The following HRCT1 variants were observed in gnomAD, a reference collection of about 807,000 sequenced individuals.
HRCT1 encodes histidine rich carboxyl terminus 1.
For synonymous variants in HRCT1, 76 were observed against 69.0 expected (o/e 1.10, Z -0.50); for missense variants, 185 against 161.3 (o/e 1.15, Z -0.80).
In HRCT1 at chr9:35,906,672, C is replaced by T. The variant is rs1420936489; in HGVS notation, c.*37C>T. 5 of 1,539,988 alleles carry T rather than the reference C, an allele frequency of 3.2e-6. No individual in the cohort carries two copies. The highest frequency in any genetic ancestry group is 4.4e-6 in the Non-Finnish European group (5 of 1,142,360). ...CCGGTGCCTGTGGACAGCAGCTGCC[C>T]CTGCCCTCCCATCTGTTCCCAGGAC... On this transcript the variant is annotated 3_prime_UTR_variant, in exon 1 of 1. Coordinates refer to ENST00000354323, the MANE Select transcript of HRCT1 (RefSeq NM_001039792.2).
chr9:35,907,038 G>A lies in HRCT1; in HGVS notation c.*403G>A, dbSNP rs1157793303. On this transcript the variant is annotated 3_prime_UTR_variant, in exon 1 of 1. Coordinates refer to ENST00000354323, the MANE Select transcript of HRCT1 (RefSeq NM_001039792.2). ...GCCTCTGGCGGGCAGGGCACTGGGAGAGGCCCTGAGAATGTCCTTTTGGTT... is the reference window on the plus strand; with the variant it reads ...GCCTCTGGCGGGCAGGGCACTGGGAAAGGCCCTGAGAATGTCCTTTTGGTT... 4 of 268,028 alleles carry A rather than the reference G, an allele frequency of 1.5e-5. No individual in the cohort carries two copies. The highest frequency in any genetic ancestry group is 8.8e-5 in the African/African-American group (4 of 45,244). The allele number at this position is 268,028 out of a possible 1,614,324, so 16.6% of individuals were successfully genotyped here.
chr9:35,906,460 C>T lies in HRCT1; in HGVS notation c.173C>T (p.Pro58Leu), dbSNP rs1310962012. Reference sequence around the variant, plus strand: ...GGAAACCGAGTCCGCCGGGCCCAGCCTTGGCCCTTCCGGCGGCGGGGCCAC... The same window carrying T: ...GGAAACCGAGTCCGCCGGGCCCAGCTTTGGCCCTTCCGGCGGCGGGGCCAC... Reference protein sequence around the residue: ...AGGNRVRRAQPWPFRRRGHLG... With the variant: ...AGGNRVRRAQLWPFRRRGHLG... Residue 58 changes from proline to leucine, a missense_variant, in exon 1 of 1, where the codon CCT (proline) becomes CTT (leucine). Coordinates refer to ENST00000354323, the MANE Select transcript of HRCT1 (RefSeq NM_001039792.2). The T allele has an allele frequency of 1.2e-6, 2 of 1,610,238 alleles. No individual in the cohort carries two copies. The highest frequency in any genetic ancestry group is 1.7e-6 in the Non-Finnish European group (2 of 1,178,160).
chr9:35,907,004 C>A lies in HRCT1; in HGVS notation c.*369C>A. The A allele has an allele frequency of 3.1e-6, 1 of 322,712 alleles. No homozygotes were observed. 20.0% of individuals were successfully genotyped at this position (322,712 alleles called of 1,614,324 possible). On this transcript the variant is annotated 3_prime_UTR_variant, in exon 1 of 1. Coordinates refer to ENST00000354323, the MANE Select transcript of HRCT1 (RefSeq NM_001039792.2). The stretch of plus-strand genomic sequence containing the variant: ...TGCCCGTCTTGACCTCCTCATCAGG[C>A]TGCTGCAGGCCTCTGGCGGGCAGGG...
rs1833079491 is a variant in HRCT1 at position 35,906,306 on chromosome 9, A to G, written c.19A>G (p.Ser7Gly). The G allele has an allele frequency of 6.2e-7, 1 of 1,606,262 alleles. No individual in the cohort carries two copies. The highest frequency in any genetic ancestry group is 8.5e-7 in the Non-Finnish European group (1 of 1,176,130). Residue 7 changes from serine (S) to glycine (G), a missense_variant, in exon 1 of 1, where the codon AGC becomes GGC. Ser to Gly is a moderately conservative substitution (Grantham distance 56). Coordinates refer to ENST00000354323, the MANE Select transcript of HRCT1 (RefSeq NM_001039792.2). ...CTCCCAGATGCTGGGCCTCCTGGGG[A>G]GCACAGCCCTCGTGGGATGGATCAC... MLGLLGSTALVGWITGA... is the reference protein window; with the variant it reads MLGLLGGTALVGWITGA...
In HRCT1 at chr9:35,906,576, C is replaced by T. The variant is rs1390840059; in HGVS notation, c.289C>T (p.Pro97Ser). ...LHHHHHPRHT[P>S]HHLHHHHHPH... ...CCACCACCACCACCCCCGCCACACC[C>T]CTCACCACCTCCACCACCACCACCA... Residue 97 changes from proline to serine, a missense_variant, in exon 1 of 1, where the codon CCT becomes TCT. Pro to Ser is a moderately conservative substitution (Grantham distance 74). Coordinates refer to ENST00000354323, the MANE Select transcript of HRCT1 (RefSeq NM_001039792.2). 1.9e-6 allele frequency: 3 copies of T among 1,566,964 alleles called. No individual in the cohort carries two copies. Among genetic ancestry groups the T allele is most frequent in the Non-Finnish European group, 2.6e-6 (3 of 1,161,436 alleles).
chr9:35,906,305 G>T lies in HRCT1; in HGVS notation c.18G>T (p.Gly6=), dbSNP rs1363699472. 3.7e-6 allele frequency: 6 copies of T among 1,606,076 alleles called. No individual in the cohort carries two copies. The highest frequency in any genetic ancestry group is 5.1e-6 in the Non-Finnish European group (6 of 1,176,124). MLGLL[G]STALVGWITG... is the part of the protein sequence containing the mutation. ...GCTCCCAGATGCTGGGCCTCCTGGG[G>T]AGCACAGCCCTCGTGGGATGGATCA... Residue 6 remains glycine, a synonymous_variant, in exon 1 of 1, where the codon GGG becomes GGT. Coordinates refer to ENST00000354323, the MANE Select transcript of HRCT1 (RefSeq NM_001039792.2).
In HRCT1 at chr9:35,906,547, T is replaced by TCCACCACCA. The variant is rs750046144; in HGVS notation, c.269_277dup (p.His90_His92dup). On this transcript the variant is annotated inframe_insertion, in exon 1 of 1. Transcript: ENST00000354323. Reference sequence around the variant, plus strand: ...GTATCTCATGTGCCGAATGTGGGCCTCCACCACCACCACCACCCCCGCCAC... The same window carrying TCCACCACCA: ...GTATCTCATGTGCCGAATGTGGGCCTCCACCACCACCACCACCACCACCACCCCCGCCAC... 223 of 1,486,866 alleles carry TCCACCACCA rather than the reference T, an allele frequency of 1.5e-4. 1 individual carries two copies. Among genetic ancestry groups the TCCACCACCA allele is most frequent in the Admixed American group, 1.3e-4 (7 of 54,180 alleles). The allele number at this position is 1,486,866 out of a possible 1,614,324, so 92.1% of individuals were successfully genotyped here.
In HRCT1 at chr9:35,906,709, A is replaced by G; in HGVS notation, c.*74A>G. On this transcript the variant is annotated 3_prime_UTR_variant, in exon 1 of 1. Transcript: ENST00000354323. ...TCTGTTCCCAGGACAAGTGGACCCCATGTTTCCATGTGGAAGGATGCATCT... is the reference window on the plus strand; with the variant it reads ...TCTGTTCCCAGGACAAGTGGACCCCGTGTTTCCATGTGGAAGGATGCATCT... 1 of 1,455,186 alleles carries G rather than the reference A, an allele frequency of 6.9e-7. No homozygotes were observed. The highest frequency in any genetic ancestry group is 2.1e-5 in the Admixed American group (1 of 47,974). The allele number at this position is 1,455,186 out of a possible 1,614,324, so 90.1% of individuals were successfully genotyped here.
In HRCT1 at chr9:35,906,586, T is replaced by TCCACCTCCACCA. The variant is rs1462382418; in HGVS notation, c.304_305insTCCACCACCACC (p.His101_His102insLeuHisHisHis). On this transcript the variant is annotated inframe_insertion, in exon 1 of 1. Transcript: ENST00000354323. ...CACCCCCGCCACACCCCTCACCACCTCCACCACCACCACCACCCCCACCGC... is the reference window on the plus strand; with the variant it reads ...CACCCCCGCCACACCCCTCACCACCTCCACCTCCACCACCACCACCACCACCACCCCCACCGC... 5.9e-6 allele frequency: 7 copies of TCCACCTCCACCA among 1,189,972 alleles called. No individual in the cohort carries two copies. The East Asian group carries it at 8.5e-5, about 14-fold the overall frequency. The allele number at this position is 1,189,972 out of a possible 1,614,324, so 73.7% of individuals were successfully genotyped here.
In HRCT1 at chr9:35,906,603, C is replaced by G. The variant is rs762896758; in HGVS notation, c.316C>G (p.Pro106Ala). The G allele has an allele frequency of 4.7e-6, 7 of 1,484,302 alleles. No homozygotes were observed. The East Asian group carries it at 9.5e-5, about 20-fold the overall frequency. 91.9% of individuals were successfully genotyped at this position (1,484,302 alleles called of 1,614,324 possible). The change falls in exon 1 of 1, where the codon CCC (proline) becomes GCC (alanine). Residue 106 changes from proline to alanine, a missense_variant. Pro to Ala is a conservative substitution (Grantham distance 27). Coordinates refer to ENST00000354323, the MANE Select transcript of HRCT1 (RefSeq NM_001039792.2). The stretch of plus-strand genomic sequence containing the variant: ...TCACCACCTCCACCACCACCACCAC[C>G]CCCACCGCCACCATCCCCGCCACGC... ...TPHHLHHHHH[P>A]HRHHPRHAR is the part of the protein sequence containing the mutation.
At position 35,906,598 on chromosome 9, in the gene HRCT1, A is replaced by ACCACCACCACCCCCACCG. The variant is rs1554690916; in HGVS notation, c.316_317insACCACCCCCACCGCCACC (p.His105_Pro106insHisHisProHisArgHis). On this transcript the variant is annotated inframe_insertion, in exon 1 of 1. Coordinates refer to ENST00000354323, the MANE Select transcript of HRCT1 (RefSeq NM_001039792.2). Reference sequence around the variant, plus strand: ...ACCCCTCACCACCTCCACCACCACCACCACCCCCACCGCCACCATCCCCGC... The same window carrying ACCACCACCACCCCCACCG: ...ACCCCTCACCACCTCCACCACCACCACCACCACCACCCCCACCGCCACCCCCACCGCCACCATCCCCGC... 8.4e-7 allele frequency: 1 copy of ACCACCACCACCCCCACCG among 1,185,786 alleles called. No individual in the cohort carries two copies. Among genetic ancestry groups the ACCACCACCACCCCCACCG allele is most frequent in the Non-Finnish European group, 1.1e-6 (1 of 903,466 alleles). The allele number at this position is 1,185,786 out of a possible 1,614,324, so 73.5% of individuals were successfully genotyped here.
Position 35,906,425 on chromosome 9 carries a change from A to G in HRCT1, c.138A>G (p.Thr46=). ...ACTGTGACGTGGAGAGGAACCGTAC[A>G]GCTGCAGGGGGAAACCGAGTCCGCC... ...RQDCDVERNR[T]AAGGNRVRRA... Residue 46 remains threonine, a synonymous_variant, in exon 1 of 1, where the codon ACA becomes ACG. Coordinates refer to ENST00000354323, the MANE Select transcript of HRCT1 (RefSeq NM_001039792.2). The G allele has an allele frequency of 6.2e-7, 1 of 1,613,038 alleles. No homozygotes were observed. The highest frequency in any genetic ancestry group is 8.5e-7 in the Non-Finnish European group (1 of 1,179,986).
In HRCT1 at chr9:35,906,560, C is replaced by G; in HGVS notation, c.273C>G (p.His91Gln). Residue 91 changes from histidine to glutamine, a missense_variant, in exon 1 of 1, where the codon CAC (histidine) becomes CAG (glutamine). His to Gln is a conservative substitution (Grantham distance 24, BLOSUM62 0). Coordinates refer to ENST00000354323, the MANE Select transcript of HRCT1 (RefSeq NM_001039792.2). ...HVPNVGLHHH[H>Q]HPRHTPHHLH... ...CGAATGTGGGCCTCCACCACCACCA[C>G]CACCCCCGCCACACCCCTCACCACC... 1 of 1,541,616 alleles carries G rather than the reference C, an allele frequency of 6.5e-7. No homozygotes were observed.
At position 35,906,777 on chromosome 9, in the gene HRCT1, C is replaced by A; in HGVS notation, c.*142C>A. 1 of 1,198,608 alleles carries A rather than the reference C, an allele frequency of 8.3e-7. No homozygotes were observed. Among genetic ancestry groups the A allele is most frequent in the Non-Finnish European group, 1.2e-6 (1 of 861,724 alleles). 74.2% of individuals were successfully genotyped at this position (1,198,608 alleles called of 1,614,324 possible). On this transcript the variant is annotated 3_prime_UTR_variant, in exon 1 of 1. Transcript: ENST00000354323. ...AACAATAGACTGGGGCTTGCTCCAG[C>A]TGCATTTGCATGGCATGCCCCAGTG...
chr9:35,906,528 CAT>C, the HRCT1 span: 1 of 1,609,802 alleles, frequency 6.2e-7, no homozygotes, highest in Non-Finnish European at 8.5e-7. Flanking sequence ...CCACGTATCT[CAT>C]GTGCCGAATG....
Position 35,906,526 on chromosome 9 carries a change from C to T in HRCT1, c.239C>T (p.Ser80Phe), listed in dbSNP as rs1428779841. The change falls in exon 1 of 1, where the codon TCT (serine) becomes TTT (phenylalanine). Residue 80 changes from serine (S) to phenylalanine (F), a missense_variant. Ser to Phe is a radical substitution (Grantham distance 155, BLOSUM62 -2). Transcript: ENST00000354323. ...FHHHRHPGHV[S>F]HVPNVGLHHH... The stretch of plus-strand genomic sequence containing the variant: ...CATCACCGTCATCCTGGCCACGTAT[C>T]TCATGTGCCGAATGTGGGCCTCCAC... 6.2e-7 allele frequency: 1 copy of T among 1,602,188 alleles called. No individual in the cohort carries two copies. The highest frequency in any genetic ancestry group is 8.5e-7 in the Non-Finnish European group (1 of 1,179,048).
In HRCT1 at chr9:35,906,578, T is replaced by TCACCACCTC. The variant is rs1554690873; in HGVS notation, c.299_307dup (p.Leu100_His102dup). 8.1e-5 allele frequency: 104 copies of TCACCACCTC among 1,277,888 alleles called. No homozygotes were observed. Among genetic ancestry groups the TCACCACCTC allele is most frequent in the Non-Finnish European group, 9.3e-5 (90 of 962,682 alleles). The allele number at this position is 1,277,888 out of a possible 1,614,324, so 79.2% of individuals were successfully genotyped here. A position where few individuals can be genotyped will look rare whatever the true frequency, so the allele number is the denominator to read the frequency against. ...ACCACCACCACCCCCGCCACACCCCTCACCACCTCCACCACCACCACCACC... is the reference window on the plus strand; with the variant it reads ...ACCACCACCACCCCCGCCACACCCCTCACCACCTCCACCACCTCCACCACCACCACCACC... On this transcript the variant is annotated inframe_insertion, in exon 1 of 1. Coordinates refer to ENST00000354323, the MANE Select transcript of HRCT1 (RefSeq NM_001039792.2).
Position 35,906,318 on chromosome 9 carries a change from G to T in HRCT1, c.31G>T (p.Val11Leu). The T allele has an allele frequency of 2.5e-6, 4 of 1,610,532 alleles. No individual in the cohort carries two copies. Among genetic ancestry groups the T allele is most frequent in the Non-Finnish European group, 3.4e-6 (4 of 1,178,890 alleles). ...GGGCCTCCTGGGGAGCACAGCCCTC[G>T]TGGGATGGATCACAGGTGCTGCTGT... is the stretch of plus-strand genomic sequence containing the variant. MLGLLGSTALVGWITGAAVAV... is the reference protein window; with the variant it reads MLGLLGSTALLGWITGAAVAV... The change falls in exon 1 of 1, where the codon GTG becomes TTG. Residue 11 changes from valine to leucine, a missense_variant. By Grantham distance (32) the Val-to-Leu change is conservative. Transcript: ENST00000354323.
In HRCT1 at chr9:35,906,407, C is replaced by G. The variant is rs146328609; in HGVS notation, c.120C>G (p.Asp40Glu). The G allele has an allele frequency of 6.2e-7, 1 of 1,612,652 alleles. No individual in the cohort carries two copies. Reference protein sequence around the residue: ...TCLFHGRQDCDVERNRTAAGG... With the variant: ...TCLFHGRQDCEVERNRTAAGG... ...TTTTCCACGGACGGCAGGACTGTGA[C>G]GTGGAGAGGAACCGTACAGCTGCAG... Residue 40 changes from aspartate to glutamate, a missense_variant, in exon 1 of 1, where the codon GAC (aspartate) becomes GAG (glutamate). Physicochemically the swap from Asp to Glu is conservative, Grantham distance 45. Transcript: ENST00000354323.
Sources: gnomAD v4.1 joint callset for allele counts on GRCh38, gnomAD v4.1.1 for gene constraint, MANE v1.5 for transcripts, NCBI Gene and HGNC (gene_info 2026-07-23, HGNC 2026-07-21) for gene names.